The following NRG1 variants were observed in gnomAD, a reference collection of about 807,000 sequenced individuals.
The protein encoded by NRG1 is neuregulin 1.
NRG1 carries 18 observed loss-of-function variants against 63.8 expected under a neutral mutation model. The observed-to-expected ratio is 0.28, with a 90% CI of 0.19 to 0.42. NRG1 has a LOEUF of 0.42. Ranked by LOEUF, NRG1 falls within the 10% of genes least tolerant of loss-of-function variation. The pLI, the probability that NRG1 is intolerant of heterozygous loss-of-function variation, is 1.00. For missense variants in NRG1, 762 were observed against 814.7 expected, an observed-to-expected ratio of 0.94 and a Z score of 0.79; for synonymous variants, 302 against 301.3, an observed-to-expected ratio of 1.00 and a Z score of -0.02.
intron 1 of NRG1, among the ~76,000 whole-genome samples, chr8:32,130,166 C>A (rs1217709479): frequency 1.3e-5 from 2 of 151,776 alleles, no homozygotes; most frequent in African/African-American, 2.4e-5. Context: ...TTTCTTCAGG[C>A]CTGTCATTTG....
chr8:31,989,122 G>A (rs983411221), intron 1 of NRG1, among the ~76,000 whole-genome samples: 4 of 151,332 alleles, frequency 2.6e-5, no homozygotes, highest in South Asian at 2.1e-4. Flanking sequence ...GGTGGTGTGC[G>A]CCTGTAGTCC....
In NRG1 at chr8:32,431,765, A is replaced by T. The variant is rs759205747; in HGVS notation, c.38-164063A>T. Among the ~76,000 whole-genome samples, 6 of 151,926 alleles carry T rather than the reference A, an allele frequency of 3.9e-5. No homozygotes were observed. The East Asian group carries it at 1.2e-3, about 29-fold the overall frequency. On this transcript the variant is annotated intron_variant, in intron 1 of 10. Transcript: ENST00000519301. ...TTTTTTTTTTCTGAGGGAAAAAATT[A>T]CATTTTGTAATTTTTTAATTTAGAA...
chr8:32,609,730 C>T (rs1402630884), intron 3 of NRG1, among the ~76,000 whole-genome samples: 1 of 146,240 alleles, frequency 6.8e-6, no homozygotes, highest in African/African-American at 2.5e-5. Context: ...GGCAGGATCT[C>T]GGCCACTGCA....
chr8:32,308,898 G>A (rs753198665), intron 1 of NRG1, among the ~76,000 whole-genome samples: 6 of 152,160 alleles, frequency 3.9e-5, no homozygotes, highest in Admixed American at 3.9e-4. Context: ...CTTCCTCTAT[G>A]GCCTGGGGAG....
chr8:32,562,114 C>T (rs1836522637), intron 1 of NRG1, among the ~76,000 whole-genome samples: 1 of 152,070 alleles, frequency 6.6e-6, no homozygotes, highest in Non-Finnish European at 1.5e-5. Flanking sequence ...GTGGTAGAGA[C>T]TCCTAAAGTC....
intron 1 of NRG1, among the ~76,000 whole-genome samples, chr8:32,106,356 A>C (rs1167271621): frequency 6.6e-6 from 1 of 152,248 alleles, no homozygotes; most frequent in Non-Finnish European, 1.5e-5. Flanking sequence ...TATGGAAGTC[A>C]GTTAAAATGT....
At chr8:31,812,527 C>T (rs1257521321) in intron 1 of NRG1, among the ~76,000 whole-genome samples, 1 of 152,012 alleles carries the variant, frequency 6.6e-6, no homozygotes, top group Non-Finnish European at 1.5e-5. Context: ...CATTTCATTT[C>T]ATTTCATTTG....
chr8:32,319,183 C>T (rs555186631), intron 1 of NRG1, among the ~76,000 whole-genome samples: 31 of 152,200 alleles, frequency 2.0e-4, no homozygotes, highest in Non-Finnish European at 3.7e-4. Flanking sequence ...CCCCAACACA[C>T]ATTCCCTAGT....
At chr8:32,292,038 A>G (rs889985965) in intron 1 of NRG1, among the ~76,000 whole-genome samples, 3 of 152,186 alleles carry the variant, frequency 2.0e-5, no homozygotes, top group African/African-American at 7.2e-5. Context: ...AATCAATTCA[A>G]TCCTGAGTTT....
chr8:31,990,481 G>T (rs998881124), intron 1 of NRG1, among the ~76,000 whole-genome samples: 2 of 152,036 alleles, frequency 1.3e-5, no homozygotes, highest in Non-Finnish European at 2.9e-5. Context: ...TAGGACTAAT[G>T]CACCTTGAGC....
intron 1 of NRG1, among the ~76,000 whole-genome samples, chr8:32,411,798 G>GAA (rs1366246353): frequency 3.3e-5 from 5 of 152,124 alleles, no homozygotes; most frequent in African/African-American, 1.2e-4. Context: ...AGTTGCATCC[G>GAA]AAAAGCCTGA....
At chr8:32,406,147 A>G (rs1237240469) in intron 1 of NRG1, among the ~76,000 whole-genome samples, 1 of 152,106 alleles carries the variant, frequency 6.6e-6, no homozygotes. Context: ...CTTCTTTGTC[A>G]AGCCCCCTAA....
At chr8:32,105,655 C>T (rs1364530888) in intron 1 of NRG1, among the ~76,000 whole-genome samples, 1 of 151,894 alleles carries the variant, frequency 6.6e-6, no homozygotes, top group Non-Finnish European at 1.5e-5. Context: ...CCTTGAGTAT[C>T]TTATGATCTA....
chr8:32,410,168 T>C (rs1642156406), intron 1 of NRG1, among the ~76,000 whole-genome samples: 1 of 146,478 alleles, frequency 6.8e-6, no homozygotes, highest in African/African-American at 2.5e-5. Flanking sequence ...AAAGGATCTT[T>C]TTCTTTCCTT....
At chr8:31,940,621 G>A (rs1442603756) in intron 1 of NRG1, among the ~76,000 whole-genome samples, 1 of 151,976 alleles carries the variant, frequency 6.6e-6, no homozygotes, top group African/African-American at 2.4e-5. Flanking sequence ...CTGTTTCTTT[G>A]AAAATGTGAA....
chr8:32,372,953 G>A (rs1424639465), intron 1 of NRG1, among the ~76,000 whole-genome samples: 1 of 152,130 alleles, frequency 6.6e-6, no homozygotes, highest in Admixed American at 6.6e-5. Flanking sequence ...TCATTTTCAG[G>A]GGTAACAGAC....
chr8:32,006,298 T>G (rs1435603647), intron 1 of NRG1, among the ~76,000 whole-genome samples: 1 of 152,052 alleles, frequency 6.6e-6, no homozygotes, highest in African/African-American at 2.4e-5. Flanking sequence ...TCATTATTGT[T>G]TAGGCCTTCT....
chr8:32,221,604 G>A (rs192216183), intron 1 of NRG1, among the ~76,000 whole-genome samples: 47 of 152,284 alleles, frequency 3.1e-4, no homozygotes, highest in Admixed American at 9.8e-4. Flanking sequence ...GTAAATCATA[G>A]TAAAGTAGTA....
At chr8:32,054,440 T>C (rs1366009191) in intron 1 of NRG1, among the ~76,000 whole-genome samples, 1 of 152,172 alleles carries the variant, frequency 6.6e-6, no homozygotes, top group Non-Finnish European at 1.5e-5. Flanking sequence ...CAGTAAGAAT[T>C]AGTCAAGAGA....
Sources: allele counts gnomAD v4.1 joint callset (sites outside exome capture counted in the v4.1 genomes callset), GRCh38; gene constraint gnomAD v4.1.1; transcripts MANE v1.5; gene names NCBI Gene and HGNC (gene_info 2026-07-23, HGNC 2026-07-21).